PXDNL: variants seen among roughly 807,000 people sequenced by gnomAD.
PXDNL encodes the protein probable oxidoreductase PXDNL.
A neutral mutation model predicts 150.8 loss-of-function variants in PXDNL; 145 were observed. The observed-to-expected ratio is 0.96, with a 90% CI of 0.84 to 1.10. The LOEUF (loss-of-function observed/expected upper bound fraction) is 1.10. PXDNL is among the 50% of genes least tolerant of loss of function. The pLI, the probability that PXDNL is intolerant of heterozygous loss-of-function variation, is 0.00. For missense variants in PXDNL, 2,087 were observed against 1,873.9 expected (o/e 1.11, Z -2.10); for synonymous variants, 757 against 725.7 (o/e 1.04, Z -0.69).
chr8:51,622,854 T>A lies in PXDNL; in HGVS notation c.237-30156A>T, dbSNP rs537442776. On this transcript the variant is annotated intron_variant, in intron 2 of 22. Coordinates refer to ENST00000356297, the MANE Select transcript of PXDNL (RefSeq NM_144651.5). Reference sequence around the variant, plus strand: ...CTGGCCGGAGCTCCTGCGCTCATTCTGCCTGCCTGCCCACTGGGCCACACT... The same window carrying A: ...CTGGCCGGAGCTCCTGCGCTCATTCAGCCTGCCTGCCCACTGGGCCACACT... Among the ~76,000 whole-genome samples the A allele has an allele frequency of 3.9e-5, 6 of 152,332 alleles. 1 individual carries two copies. In the South Asian group the frequency reaches 1.2e-3, roughly 32 times the overall value.
intron 17 of PXDNL, among the ~76,000 whole-genome samples, chr8:51,377,143 C>CACACACACA (rs966278135): frequency 6.7e-6 from 1 of 149,252 alleles, no homozygotes; most frequent in Non-Finnish European, 1.5e-5. Flanking sequence ...CACACACACA[C>CACACACACA]AAAGCCAAAG....
At chr8:51,672,271 C>T (rs757464053) in intron 1 of PXDNL, among the ~76,000 whole-genome samples, 7 of 152,176 alleles carry the variant, frequency 4.6e-5, no homozygotes, top group South Asian at 2.1e-4. Context: ...CATGAGCCAC[C>T]GTGCCTGGCT....
intron 11 of PXDNL, among the ~76,000 whole-genome samples, chr8:51,448,440 C>T (rs1040526814): frequency 2.0e-5 from 3 of 152,154 alleles, no homozygotes; most frequent in African/African-American, 7.2e-5. Flanking sequence ...CGCGGTGGCT[C>T]ACTCCTGCAA....
chr8:51,632,538 G>T (rs373028953), intron 2 of PXDNL, among the ~76,000 whole-genome samples: 37 of 152,264 alleles, frequency 2.4e-4, no homozygotes, highest in African/African-American at 8.9e-4. Flanking sequence ...AGAGTTCAAG[G>T]CTGCAGTGAA....
chr8:51,799,547 T>C (rs2037597467), intron 1 of PXDNL, among the ~76,000 whole-genome samples: 1 of 152,214 alleles, frequency 6.6e-6, no homozygotes, highest in South Asian at 2.1e-4. Context: ...AGGATTCCCA[T>C]GCAAACAGAG....
intron 1 of PXDNL, among the ~76,000 whole-genome samples, chr8:51,734,393 T>G (rs1225567393): frequency 6.6e-6 from 1 of 152,214 alleles, no homozygotes; most frequent in Non-Finnish European, 1.5e-5. Context: ...TTGGTCTATT[T>G]AAGTCCCACT....
chr8:51,679,625 T>A (rs956414100), intron 1 of PXDNL, among the ~76,000 whole-genome samples: 1 of 152,196 alleles, frequency 6.6e-6, no homozygotes, highest in Admixed American at 6.5e-5. Flanking sequence ...TTTAATGTGG[T>A]CATTCCTGAG....
chr8:51,350,354 C>CTTTTTTTTTTTTT lies in PXDNL; in HGVS notation c.3902-4420_3902-4408dup, dbSNP rs1163628780. Among the ~76,000 whole-genome samples, 206 of 77,876 alleles carry CTTTTTTTTTTTTT rather than the reference C, an allele frequency of 2.6e-3. 2 individuals carry two copies. The highest frequency in any genetic ancestry group is 3.4e-3 in the African/African-American group (65 of 19,154). 51.1% of individuals were successfully genotyped at this position (77,876 alleles called of 152,430 possible). A position where few individuals can be genotyped will look rare whatever the true frequency, so the allele number is the denominator to read the frequency against. On this transcript the variant is annotated intron_variant, in intron 19 of 22. Transcript: ENST00000356297. The stretch of plus-strand genomic sequence containing the variant: ...AGTCTTTTATTAGCAAATGCAGCTT[C>CTTTTTTTTTTTTT]TTTTTTTTTTTTTTTTTTTTTTGAG...
In PXDNL at chr8:51,574,654, G is replaced by A. The variant is rs539592503; in HGVS notation, c.309-17743C>T. Among the ~76,000 whole-genome samples, 32 of 151,946 alleles carry A rather than the reference G, an allele frequency of 2.1e-4. 1 individual carries two copies. In the South Asian group the frequency reaches 6.6e-3, roughly 32 times the overall value. On this transcript the variant is annotated intron_variant, in intron 3 of 22. Coordinates refer to ENST00000356297, the MANE Select transcript of PXDNL (RefSeq NM_144651.5). ...CAAATATCAGAAAACTAAAAAAAAA[G>A]AAAATCTCGAAAGCAGTGACAGAGG...
intron 18 of PXDNL, among the ~76,000 whole-genome samples, 182 bp downstream of exon 18, chr8:51,374,415 A>C (rs28421473): frequency 0.048 from 7,242 of 152,314 alleles, 542 homozygotes; most frequent in African/African-American, 0.16. Flanking sequence ...AAGATTTACA[A>C]AAATAAATGT....
rs150555649 is a variant in PXDNL, at chr8:51,647,618, T to C, written c.236+7071A>G. ...TGGTAGTATATGAGGGGCAGTATTA[T>C]GGAGTGGCTAGGAGCATGAACTTTG... On this transcript the variant is annotated intron_variant, in intron 2 of 22. Transcript: ENST00000356297. Among the ~76,000 whole-genome samples the C allele has an allele frequency of 4.7e-4, 72 of 152,328 alleles. No homozygotes were observed. In the East Asian group the frequency reaches 0.012, roughly 25 times the overall value.
At chr8:51,719,479 A>C (rs1048371123) in intron 1 of PXDNL, among the ~76,000 whole-genome samples, 7 of 152,082 alleles carry the variant, frequency 4.6e-5, no homozygotes, top group Non-Finnish European at 8.8e-5. Flanking sequence ...CCCTAATCTC[A>C]AGTACCCAGG....
chr8:51,563,094 G>C (rs1812749975), intron 3 of PXDNL, among the ~76,000 whole-genome samples: 1 of 151,988 alleles, frequency 6.6e-6, no homozygotes, highest in African/African-American at 2.4e-5. Context: ...ACAGACTAGA[G>C]AGCAAGCATA....
At chr8:51,654,077 G>A (rs1161511217) in intron 2 of PXDNL, among the ~76,000 whole-genome samples, 2 of 152,176 alleles carry the variant, frequency 1.3e-5, no homozygotes, top group Non-Finnish European at 2.9e-5. Context: ...GCAGGGGCAT[G>A]TGCATTCGGA....
At position 51,535,000 on chromosome 8, in the gene PXDNL, T is replaced by C. The variant is rs1410666017; in HGVS notation, c.380+21840A>G. Among the ~76,000 whole-genome samples, 6 of 104,888 alleles carry C rather than the reference T, an allele frequency of 5.7e-5. 1 individual carries two copies. The highest frequency in any genetic ancestry group is 2.1e-4 in the African/African-American group (4 of 19,086). 68.8% of individuals were successfully genotyped at this position (104,888 alleles called of 152,430 possible). A position where few individuals can be genotyped will look rare whatever the true frequency, so the allele number is the denominator to read the frequency against. On this transcript the variant is annotated intron_variant, in intron 4 of 22. Transcript: ENST00000356297. ...CAGCCCCCCGCCCGGCCAGCCGCCCTATCCAGGAGGTGAGGGGCACCTCTG... is the reference window on the plus strand; with the variant it reads ...CAGCCCCCCGCCCGGCCAGCCGCCCCATCCAGGAGGTGAGGGGCACCTCTG...
At chr8:51,358,673 A>C (rs1806601567) in intron 19 of PXDNL, among the ~76,000 whole-genome samples, 1 of 152,106 alleles carries the variant, frequency 6.6e-6, no homozygotes, top group African/African-American at 2.4e-5. Flanking sequence ...CGCTCATTGC[A>C]GCACGCGGAC....
At chr8:51,343,574 T>C (rs1806054297) in intron 20 of PXDNL, among the ~76,000 whole-genome samples, 1 of 152,074 alleles carries the variant, frequency 6.6e-6, no homozygotes, top group Non-Finnish European at 1.5e-5. Context: ...GTATTAAGTG[T>C]TTCGGTAATA....
chr8:51,790,257 A>G (rs1193683496), intron 1 of PXDNL, among the ~76,000 whole-genome samples: 2 of 151,892 alleles, frequency 1.3e-5, no homozygotes, highest in African/African-American at 4.8e-5. Flanking sequence ...GAAATGAAAT[A>G]TCATTCAAAA....
intron 8 of PXDNL, among the ~76,000 whole-genome samples, chr8:51,467,350 G>A (rs1810225796): frequency 6.6e-6 from 1 of 152,120 alleles, no homozygotes; most frequent in Non-Finnish European, 1.5e-5. Context: ...CTCATTGTAA[G>A]TGAGAGCTAA....
Sources: allele counts gnomAD v4.1 joint callset (sites outside exome capture counted in the v4.1 genomes callset), GRCh38; gene constraint gnomAD v4.1.1; transcripts MANE v1.5; gene names NCBI Gene and HGNC (gene_info 2026-07-23, HGNC 2026-07-21).